The following ZNF665 variants were observed in gnomAD, a reference collection of about 807,000 sequenced individuals.
ZNF665 encodes zinc finger protein 665.
ZNF665 carries 6 observed loss-of-function variants against 7.9 expected under a neutral mutation model. The ratio of observed to expected loss-of-function variants is 0.76; its 90% CI spans 0.42 to 1.50. ZNF665 has a LOEUF of 1.50. ZNF665 is among the 40% of genes most tolerant of loss of function. The pLI is 0.01. For synonymous variants in ZNF665, 242 were observed against 274.5 expected, an observed-to-expected ratio of 0.88 and a Z score of 1.17; for missense variants, 819 against 806.7, an observed-to-expected ratio of 1.02 and a Z score of -0.18.
chr19:53,174,280 CG>C (rs1312052531), intron 3 of ZNF665, among the ~76,000 whole-genome samples: 4 of 152,100 alleles, frequency 2.6e-5, no homozygotes, highest in African/African-American at 9.7e-5. Flanking sequence ...CAGTAACAGA[CG>C]GTTGTAGATC....
At chr19:53,167,656 C>T (rs1239225016) in intron 3 of ZNF665, among the ~76,000 whole-genome samples, 2 of 149,690 alleles carry the variant, frequency 1.3e-5, no homozygotes, top group African/African-American at 4.9e-5. Flanking sequence ...CCGTGTTAGC[C>T]AGGATGGTCT....
chr19:53,175,108 G>T (rs1050695766), intron 3 of ZNF665, among the ~76,000 whole-genome samples: 1 of 152,126 alleles, frequency 6.6e-6, no homozygotes, highest in Non-Finnish European at 1.5e-5. Context: ...AATGCCTCCT[G>T]AGTGGTTAGG....
chr19:53,189,032 G>A (rs2090792542), intron 1 of ZNF665, among the ~76,000 whole-genome samples: 1 of 142,510 alleles, frequency 7.0e-6, no homozygotes, highest in Non-Finnish European at 1.5e-5. Flanking sequence ...GAGTAGATGA[G>A]AAAGAAAGGC....
At chr19:53,172,762 T>C (rs1366961170) in intron 3 of ZNF665, among the ~76,000 whole-genome samples, 6 of 144,646 alleles carry the variant, frequency 4.1e-5, no homozygotes, top group Non-Finnish European at 8.9e-5. Context: ...GAGGCGGAGA[T>C]TGCAGTGAGC....
chr19:53,185,494 A>T (rs1047604179), intron 1 of ZNF665, among the ~76,000 whole-genome samples: 1 of 152,112 alleles, frequency 6.6e-6, no homozygotes, highest in African/African-American at 2.4e-5. Context: ...CAAACAAATG[A>T]TTAATGATAT....
chr19:53,166,483 T>C (rs1301743359), intron 3 of ZNF665, 136 bp from the exon 4 acceptor site: 1 of 791,198 alleles, frequency 1.3e-6, no homozygotes, highest in Non-Finnish European at 1.9e-6. Context: ...ACCATAATTT[T>C]CCAGAACACA....
At chr19:53,183,080 T>C (rs375637620) in intron 1 of ZNF665, 137 bp from the exon 2 acceptor site, 1 of 939,136 alleles carries the variant, frequency 1.1e-6, no homozygotes, top group South Asian at 1.4e-5. Flanking sequence ...GGGAAGATGG[T>C]CCTCTGCTGC....
In ZNF665 at chr19:53,166,036, G is replaced by T. The variant is rs1473216294; in HGVS notation, c.454C>A (p.Leu152Met). Residue 152 changes from leucine to methionine, a missense_variant, in exon 4 of 4, where the codon CTG becomes ATG. Transcript: ENST00000396424. ...GVSFQSHLPE[L>M]QQFQHEGKIY... is the part of the protein sequence containing the mutation. ...TTCCCTTCATGTTGAAATTGCTGCAGTTCAGGGAGATGTGACTGAAAGCTT... is the reference window on the plus strand; with the variant it reads ...TTCCCTTCATGTTGAAATTGCTGCATTTCAGGGAGATGTGACTGAAAGCTT... The T allele has an allele frequency of 1.2e-6, 2 of 1,614,074 alleles. No individual in the cohort carries two copies. The highest frequency in any genetic ancestry group is 1.7e-6 in the Non-Finnish European group (2 of 1,179,936).
At position 53,165,307 on chromosome 19, in the gene ZNF665, T is replaced by C; in HGVS notation, c.1183A>G (p.Ile395Val). The C allele has an allele frequency of 6.2e-7, 1 of 1,613,388 alleles. No homozygotes were observed. The highest frequency in any genetic ancestry group is 8.5e-7 in the Non-Finnish European group (1 of 1,179,590). The change falls in exon 4 of 4, where the codon ATC becomes GTC. Residue 395 changes from isoleucine to valine, a missense_variant. By Grantham distance (29) the Ile-to-Val change is conservative. Transcript: ENST00000396424. ...MHSNLTKHQI[I>V]HTGEKPFKCN... ...TTGAAAGGCTTTTCTCCGGTATGGATGATCTGATGCTTAGTTAAGTTTGAA... is the reference window on the plus strand; with the variant it reads ...TTGAAAGGCTTTTCTCCGGTATGGACGATCTGATGCTTAGTTAAGTTTGAA...
chr19:53,182,502 G>T, intron 2 of ZNF665: 1 of 602,414 alleles, frequency 1.7e-6, no homozygotes, highest in Non-Finnish European at 3.0e-6. Flanking sequence ...TTTCGTGGGT[G>T]CTTGTACACA....
At position 53,189,435 on chromosome 19, in the gene ZNF665, A is replaced by G. The variant is rs1285497134; in HGVS notation, c.-46+3877T>C. Among the ~76,000 whole-genome samples the G allele has an allele frequency of 7.4e-5, 11 of 148,560 alleles. 1 individual carries two copies. The highest frequency in any genetic ancestry group is 1.3e-4 in the Admixed American group (2 of 14,834). ...GGGTAAAGAGTGTGAGTCACCTCCA[A>G]TGATAGGTAAGGTCACGTGGGTCAT... On this transcript the variant is annotated intron_variant, in intron 1 of 3. Transcript: ENST00000396424.
At chr19:53,175,156 G>T (rs2090687418) in intron 3 of ZNF665, among the ~76,000 whole-genome samples, 1 of 152,046 alleles carries the variant, frequency 6.6e-6, no homozygotes, top group African/African-American at 2.4e-5. Context: ...TTTCTTCCAT[G>T]AACCACTCAA....
At chr19:53,169,242 C>T (rs530025465) in intron 3 of ZNF665, among the ~76,000 whole-genome samples, 7 of 152,082 alleles carry the variant, frequency 4.6e-5, no homozygotes, top group South Asian at 2.1e-4. Context: ...CAATTTTAAA[C>T]ATTGGAAAAT....
intron 2 of ZNF665, 90 bp downstream of exon 2, chr19:53,182,794 T>C (rs371323331): frequency 5.7e-6 from 9 of 1,591,326 alleles, no homozygotes; most frequent in East Asian, 4.5e-5. Flanking sequence ...TCAGGCAGGA[T>C]GCTTCAGACT....
intron 2 of ZNF665, among the ~76,000 whole-genome samples, chr19:53,176,725 C>T (rs1291042664): frequency 6.6e-6 from 1 of 152,140 alleles, no homozygotes. Context: ...GGGAGGACAC[C>T]CAGGTCATAT....
At chr19:53,167,736 G>A (rs2090627225) in intron 3 of ZNF665, among the ~76,000 whole-genome samples, 1 of 149,912 alleles carries the variant, frequency 6.7e-6, no homozygotes, top group Non-Finnish European at 1.5e-5. Context: ...GTAAGCCAGG[G>A]TGCTTGGCCA....
At chr19:53,177,979 A>G (rs1490576019) in intron 2 of ZNF665, among the ~76,000 whole-genome samples, 1 of 152,234 alleles carries the variant, frequency 6.6e-6, no homozygotes, top group Non-Finnish European at 1.5e-5. Flanking sequence ...ATTAAACCTA[A>G]GCAATCAGTT....
In ZNF665 at chr19:53,165,410, G is replaced by A. The variant is rs886993276; in HGVS notation, c.1080C>T (p.Tyr360=). The A allele has an allele frequency of 1.9e-6, 3 of 1,613,448 alleles. No homozygotes were observed. In the African/African-American group the frequency reaches 4.0e-5, roughly 22 times the overall value. ...TATGAATTCGCCGATGCTTTGCAAG[G>A]TATGAATTGTGCCTGAAGACCTTGC... ...ECGKVFRHNS[Y]LAKHRRIHTG... is the part of the protein sequence containing the mutation. Residue 360 remains tyrosine (Y), a synonymous_variant, in exon 4 of 4, where the codon TAC becomes TAT. Transcript: ENST00000396424.
chr19:53,178,271 T>G (rs1787297344), intron 2 of ZNF665, among the ~76,000 whole-genome samples: 2 of 152,232 alleles, frequency 1.3e-5, no homozygotes, highest in Admixed American at 6.5e-5. Context: ...GTGCAACATC[T>G]ATCAGCAGCT....
Sources: gnomAD v4.1 joint callset for allele counts (sites outside exome capture counted in the v4.1 genomes callset) on GRCh38, gnomAD v4.1.1 for gene constraint, MANE v1.5 for transcripts, NCBI Gene and HGNC (gene_info 2026-07-23, HGNC 2026-07-21) for gene names.